Variants in IPCEF1 observed in about 807,000 individuals in gnomAD.
IPCEF1 encodes interaction protein for cytohesin exchange factors 1, also known as interactor protein for cytohesin exchange factors 1.
IPCEF1 carries 31 observed loss-of-function variants against 50.9 expected under a neutral mutation model. The observed-to-expected ratio is 0.61, with a 90% confidence interval of 0.46 to 0.82. The LOEUF (loss-of-function observed/expected upper bound fraction) is 0.82. Among genes scored for constraint, IPCEF1 ranks in the 40% least tolerant of loss-of-function variants. The probability of loss-of-function intolerance (pLI) is 0.00; values close to 1 mark genes in which losing one functional copy is unlikely to be tolerated. For missense variants in IPCEF1, 458 were observed against 514.0 expected (o/e 0.89, Z 1.05); for synonymous variants, 181 against 192.0 (o/e 0.94, Z 0.47).
At chr6:154,321,928 T>C (rs1282564467) in intron 1 of IPCEF1, among the ~76,000 whole-genome samples, 1 of 152,068 alleles carries the variant, frequency 6.6e-6, no homozygotes, top group East Asian at 1.9e-4. Context: ...AAGAAAATTG[T>C]AGACCAGGAT....
intron 1 of IPCEF1, among the ~76,000 whole-genome samples, chr6:154,316,194 A>ACT (rs149475751): frequency 0.082 from 12,473 of 152,172 alleles, 1,069 homozygotes; most frequent in African/African-American, 0.22. Flanking sequence ...TTTAGGTAAC[A>ACT]CTGTAAAATT....
chr6:154,217,493 T>C (rs1778507049), intron 7 of IPCEF1: 1 of 150,108 alleles, frequency 6.7e-6, no homozygotes, highest in African/African-American at 2.4e-5. Flanking sequence ...GGCACGAGCA[T>C]CGATTCAGCA....
At chr6:154,292,333 C>T (rs1782536243) in intron 1 of IPCEF1, among the ~76,000 whole-genome samples, 1 of 152,184 alleles carries the variant, frequency 6.6e-6, no homozygotes, top group Admixed American at 6.5e-5. Context: ...TATTTTCTTT[C>T]AATCACTTAG....
intron 1 of IPCEF1, among the ~76,000 whole-genome samples, chr6:154,346,518 G>C (rs1274441618): frequency 6.6e-6 from 1 of 152,098 alleles, no homozygotes; most frequent in African/African-American, 2.4e-5. Context: ...AGAATGGATG[G>C]ACTATCTGTA....
intron 5 of IPCEF1, among the ~76,000 whole-genome samples, chr6:154,229,890 G>A (rs917568415): frequency 1.3e-5 from 2 of 152,184 alleles, no homozygotes; most frequent in African/African-American, 4.8e-5. Context: ...TCATGAAAAG[G>A]AGCAAACCAG....
intron 5 of IPCEF1, among the ~76,000 whole-genome samples, chr6:154,235,230 T>C (rs967824871): frequency 1.3e-5 from 2 of 152,180 alleles, no homozygotes; most frequent in African/African-American, 4.8e-5. Context: ...CTTTGAATAT[T>C]AGAGATTTAG....
chr6:154,292,394 A>C (rs1782537413), intron 1 of IPCEF1, among the ~76,000 whole-genome samples: 1 of 152,222 alleles, frequency 6.6e-6, no homozygotes, highest in Admixed American at 6.5e-5. Flanking sequence ...CACAGTTTGC[A>C]ATTTACAAAA....
chr6:154,230,816 C>T (rs1293610128), intron 5 of IPCEF1, among the ~76,000 whole-genome samples: 1 of 152,076 alleles, frequency 6.6e-6, no homozygotes, highest in Admixed American at 6.5e-5. Flanking sequence ...AACATCTTCT[C>T]CCCTAAAACC....
intron 1 of IPCEF1, among the ~76,000 whole-genome samples, chr6:154,325,825 G>A (rs1783504841): frequency 6.6e-6 from 1 of 152,078 alleles, no homozygotes. Context: ...ACATTCTTTA[G>A]AACAGACACA....
intron 1 of IPCEF1, among the ~76,000 whole-genome samples, chr6:154,348,423 T>G (rs570052847): frequency 1.3e-5 from 2 of 152,210 alleles, no homozygotes; most frequent in Non-Finnish European, 2.9e-5. Context: ...TAACTGAGTC[T>G]AACCAAGAGG....
intron 1 of IPCEF1, among the ~76,000 whole-genome samples, chr6:154,308,579 T>C (rs1285083863): frequency 6.6e-6 from 1 of 152,238 alleles, no homozygotes; most frequent in Non-Finnish European, 1.5e-5. Context: ...TCAGACATCC[T>C]GAGAATAAAC....
chr6:154,191,735 T>C (rs1439386697), intron 10 of IPCEF1, among the ~76,000 whole-genome samples: 3 of 152,156 alleles, frequency 2.0e-5, no homozygotes. Flanking sequence ...ATGTAAACCA[T>C]AGACTTTAGT....
In IPCEF1 at chr6:154,159,695, G is replaced by A; in HGVS notation, c.*133C>T. ...TTCGGTGATTATCTTCATCTAACGT[G>A]CATCTTTAGATGGGAAGCTGATGCT... On this transcript the variant is annotated 3_prime_UTR_variant, in exon 12 of 12. Coordinates refer to ENST00000367220, the MANE Select transcript of IPCEF1 (RefSeq NM_001130700.2). 1.5e-6 allele frequency: 1 copy of A among 684,134 alleles called. No homozygotes were observed. The highest frequency in any genetic ancestry group is 1.7e-5 in the South Asian group (1 of 59,086). The allele number at this position is 684,134 out of a possible 1,614,324, so 42.4% of individuals were successfully genotyped here. A position where few individuals can be genotyped will look rare whatever the true frequency, so the allele number is the denominator to read the frequency against.
chr6:154,284,337 G>A (rs185138240), intron 2 of IPCEF1, among the ~76,000 whole-genome samples: 2 of 152,224 alleles, frequency 1.3e-5, no homozygotes, highest in East Asian at 3.8e-4. Flanking sequence ...GTTGTATAGA[G>A]ATACTGGATG....
intron 9 of IPCEF1, among the ~76,000 whole-genome samples, chr6:154,206,200 C>T (rs1390493889): frequency 6.6e-6 from 1 of 152,190 alleles, no homozygotes; most frequent in Non-Finnish European, 1.5e-5. Context: ...ACATAAGCAG[C>T]TTGCAAATGC....
Position 154,335,415 on chromosome 6 carries a change from A to G in IPCEF1, c.-62+21257T>C, listed in dbSNP as rs1466539211. On this transcript the variant is annotated intron_variant, in intron 1 of 11. Coordinates refer to ENST00000367220, the MANE Select transcript of IPCEF1 (RefSeq NM_001130700.2). ...AATAAAATCTGTATGCCTTTTCTCC[A>G]GTTAATCTGCCTTTTGTGAGTTGAT... is the stretch of plus-strand genomic sequence containing the variant. Among the ~76,000 whole-genome samples, 3 of 152,230 alleles carry G rather than the reference A, an allele frequency of 2.0e-5. No individual in the cohort carries two copies. In the East Asian group the frequency reaches 5.8e-4, roughly 29 times the overall value.
At chr6:154,260,503 CT>C (rs1420093284) in intron 3 of IPCEF1, among the ~76,000 whole-genome samples, 4 of 144,908 alleles carry the variant, frequency 2.8e-5, no homozygotes, top group Non-Finnish European at 4.5e-5. Flanking sequence ...GATGGAGTCT[CT>C]CTCTATCCCC....
At chr6:154,346,450 G>T (rs1784031015) in intron 1 of IPCEF1, among the ~76,000 whole-genome samples, 1 of 151,874 alleles carries the variant, frequency 6.6e-6, no homozygotes, top group Non-Finnish European at 1.5e-5. Flanking sequence ...TTCTAAATTG[G>T]CATATACTAA....
rs551340313 is a variant in IPCEF1, at chr6:154,280,971, G to A, written c.-18+8742C>T. On this transcript the variant is annotated intron_variant, in intron 2 of 11. Coordinates refer to ENST00000367220, the MANE Select transcript of IPCEF1 (RefSeq NM_001130700.2). ...TCCCAACACTTTGGGAGGCCAGAGC[G>A]GAATGATTGTTTGAGGCCAGGAGTT... 1.5e-4 allele frequency among the ~76,000 whole-genome samples: 23 copies of A among 152,112 alleles called. No individual in the cohort carries two copies. The South Asian group carries it at 2.5e-3, about 16-fold the overall frequency.
Sources: allele counts gnomAD v4.1 joint callset (sites outside exome capture counted in the v4.1 genomes callset), GRCh38; gene constraint gnomAD v4.1.1; transcripts MANE v1.5; gene names NCBI Gene and HGNC (gene_info 2026-07-23, HGNC 2026-07-21).